Variants in TEX35 observed in about 807,000 individuals in gnomAD.
The protein encoded by TEX35 is testis-expressed protein 35.
TEX35 carries 26 observed loss-of-function variants against 31.9 expected under a neutral mutation model. The ratio of observed to expected loss-of-function variants is 0.81; its 90% CI spans 0.60 to 1.13. The LOEUF (loss-of-function observed/expected upper bound fraction) is 1.13, where lower values mean the gene tolerates loss of function less well. TEX35 is among the 50% of genes most tolerant of loss of function. The pLI is 0.00. For missense variants in TEX35, 278 were observed against 273.5 expected (o/e 1.02, Z -0.12); for synonymous variants, 87 against 90.7 (o/e 0.96, Z 0.23).
intron 2 of TEX35, 132 bp from the exon 3 acceptor site, chr1:178,514,568 G>A (rs1293115261): frequency 3.3e-5 from 28 of 845,852 alleles, no homozygotes; most frequent in Non-Finnish European, 4.9e-5. Flanking sequence ...TTCTGCACAG[G>A]TGGGGCCACC....
At chr1:178,523,258 A>G, downstream of TEX35, 1 of 699,364 alleles carries the variant, frequency 1.4e-6, no homozygotes, top group South Asian at 1.5e-5. Flanking sequence ...AACAAATGTG[A>G]GAGTGCAGAT....
chr1:178,520,725 A>C lies in TEX35; in HGVS notation c.394A>C (p.Thr132Pro), dbSNP rs768309483. ...EQQELRLMGKTHREPQLRPKK... is the reference protein window; with the variant it reads ...EQQELRLMGKPHREPQLRPKK... ...GCAGGAACTCAGGCTGATGGGAAAG[A>C]CTCACAGAGAACCACAGCTCAGGCC... The change falls in exon 7 of 9, where the codon ACT becomes CCT. Residue 132 changes from threonine (T) to proline (P), a missense_variant. Physicochemically the swap from Thr to Pro is conservative, Grantham distance 38 (BLOSUM62 -1). Coordinates refer to ENST00000319416, the MANE Select transcript of TEX35 (RefSeq NM_032126.5). 3.9e-5 allele frequency: 63 copies of C among 1,613,804 alleles called. No individual in the cohort carries two copies. Among genetic ancestry groups the C allele is most frequent in the Non-Finnish European group, 4.5e-5 (53 of 1,179,990 alleles).
intron 4 of TEX35, among the ~76,000 whole-genome samples, chr1:178,516,285 T>C (rs915409410): frequency 6.6e-6 from 1 of 152,226 alleles, no homozygotes; most frequent in African/African-American, 2.4e-5. Flanking sequence ...ATTTCTATGA[T>C]ACAACCAACC....
chr1:178,521,839 T>C, intron 8 of TEX35: 2 of 1,522,460 alleles, frequency 1.3e-6, no homozygotes, highest in Non-Finnish European at 1.8e-6. Flanking sequence ...TGAGTACCAG[T>C]CCAAAACTTG....
At chr1:178,521,369 T>A in intron 8 of TEX35, 105 bp downstream of exon 8, 1 of 1,346,128 alleles carries the variant, frequency 7.4e-7, no homozygotes, top group Non-Finnish European at 1.1e-6. Context: ...CCTGAGGTTG[T>A]GCCAGGAGTA....
chr1:178,520,858 A>C lies in TEX35; in HGVS notation c.527A>C (p.His176Pro). 1.9e-6 allele frequency: 3 copies of C among 1,614,124 alleles called. No homozygotes were observed. The highest frequency in any genetic ancestry group is 2.2e-5 in the East Asian group (1 of 44,872). The change falls in exon 7 of 9, where the codon CAC becomes CCC. Residue 176 changes from histidine (H) to proline (P), a missense_variant. By Grantham distance (77) the His-to-Pro change is moderately conservative (BLOSUM62 -2). Coordinates refer to ENST00000319416, the MANE Select transcript of TEX35 (RefSeq NM_032126.5). ...TKQGSLDPLH[H>P]CGTCCEKCLL... ...CAGGGCTCACTGGATCCCCTTCATC[A>C]CTGTGGGACCTGCTGCGTAAGTGAA... is the stretch of plus-strand genomic sequence containing the variant.
At position 178,522,588 on chromosome 1, in the gene TEX35, C is replaced by T; in HGVS notation, c.*148C>T. The T allele has an allele frequency of 7.5e-7, 1 of 1,327,664 alleles. No individual in the cohort carries two copies. The highest frequency in any genetic ancestry group is 2.4e-5 in the South Asian group (1 of 42,260). 82.2% of individuals were successfully genotyped at this position (1,327,664 alleles called of 1,614,324 possible). ...CATATTTTATTTCACACCAGTTCCT[C>T]CTTGTTTCATCTCTTTGCTAAGCTG... On this transcript the variant is annotated 3_prime_UTR_variant, in exon 9 of 9. Coordinates refer to ENST00000319416, the MANE Select transcript of TEX35 (RefSeq NM_032126.5).
chr1:178,513,138 G>C lies in TEX35; in HGVS notation c.-51G>C, dbSNP rs1649929443. On this transcript the variant is annotated 5_prime_UTR_variant, in exon 1 of 9. Transcript: ENST00000319416. ...TGTAAGTTGCCTAGGACAGTGGCCT[G>C]GTCCCAGGGGCTGTTGTGGGGAGTT... is the stretch of plus-strand genomic sequence containing the variant. 6.3e-7 allele frequency: 1 copy of C among 1,595,822 alleles called. No individual in the cohort carries two copies. The highest frequency in any genetic ancestry group is 8.6e-7 in the Non-Finnish European group (1 of 1,164,048).
chr1:178,521,814 G>C (rs138587624), intron 8 of TEX35: 1 of 1,539,464 alleles, frequency 6.5e-7, no homozygotes, highest in Non-Finnish European at 8.8e-7. Flanking sequence ...AAAGCCAAAG[G>C]GGATGTCATG....
chr1:178,515,398 C>T (rs941000029), intron 3 of TEX35, among the ~76,000 whole-genome samples: 1 of 152,110 alleles, frequency 6.6e-6, no homozygotes. Flanking sequence ...TGCACCTCGT[C>T]TGGGGACATT....
At chr1:178,523,285 G>A, downstream of TEX35, 1 of 701,452 alleles carries the variant, frequency 1.4e-6, no homozygotes, top group Non-Finnish European at 2.6e-6. Flanking sequence ...TCAATATGCT[G>A]ATTTTCTTTC....
intron 1 of TEX35, among the ~76,000 whole-genome samples, chr1:178,513,775 C>G (rs1649961619): frequency 6.6e-6 from 1 of 152,236 alleles, no homozygotes; most frequent in Non-Finnish European, 1.5e-5. Context: ...GCTGGCGCCT[C>G]CAGCAGGGAG....
intron 4 of TEX35, among the ~76,000 whole-genome samples, chr1:178,516,293 A>C (rs1290163014): frequency 6.6e-6 from 1 of 152,214 alleles, no homozygotes; most frequent in African/African-American, 2.4e-5. Context: ...GATACAACCA[A>C]CCAACCACCT....
downstream of TEX35, chr1:178,522,665 T>G: frequency 2.4e-6 from 3 of 1,237,036 alleles, no homozygotes; most frequent in Non-Finnish European, 3.0e-6. Context: ...TTTTTGGAAT[T>G]TTATTATTAT....
At chr1:178,522,076 C>G (rs767552407) in intron 8 of TEX35, 25 of 648,548 alleles carry the variant, frequency 3.9e-5, no homozygotes, top group Non-Finnish European at 5.3e-5. Context: ...CAGGAGAGAC[C>G]CTGCTGCCTG....
At position 178,521,007 on chromosome 1, in the gene TEX35, C is replaced by A; in HGVS notation, c.543+133C>A. On this transcript the variant is annotated intron_variant, in intron 7 of 8. Transcript: ENST00000319416. Reference sequence around the variant, plus strand: ...CCGCTGCTGACTTCTGGGTGCCGCCCGAGCCTGCGCCCTCCCTGACCTGCC... The same window carrying A: ...CCGCTGCTGACTTCTGGGTGCCGCCAGAGCCTGCGCCCTCCCTGACCTGCC... 3.3e-6 allele frequency: 5 copies of A among 1,538,316 alleles called. No individual in the cohort carries two copies. In the South Asian group the frequency reaches 5.0e-5, roughly 15 times the overall value.
chr1:178,516,002 C>A, intron 4 of TEX35, 87 bp downstream of exon 4: 1 of 1,038,806 alleles, frequency 9.6e-7, no homozygotes, highest in Non-Finnish European at 1.5e-6. Flanking sequence ...TGAAGGAAAG[C>A]AGGAATTGCA....
downstream of TEX35, among the ~76,000 whole-genome samples, chr1:178,522,986 TA>T (rs1405372221): frequency 6.6e-5 from 10 of 152,344 alleles, no homozygotes; most frequent in East Asian, 1.9e-3. Flanking sequence ...ACCATCCTTC[TA>T]CTCTATATCC....
chr1:178,520,093 A>G (rs1027627998), intron 5 of TEX35, among the ~76,000 whole-genome samples: 3 of 152,220 alleles, frequency 2.0e-5, no homozygotes, highest in Admixed American at 1.3e-4. Flanking sequence ...GGTTTTATCC[A>G]AAGTGTGAGA....
Sources: allele counts gnomAD v4.1 joint callset (sites outside exome capture counted in the v4.1 genomes callset), GRCh38; gene constraint gnomAD v4.1.1; transcripts MANE v1.5; gene names NCBI Gene and HGNC (gene_info 2026-07-23, HGNC 2026-07-21).